PMS1: variants seen among roughly 807,000 people sequenced by gnomAD.
PMS1 encodes the protein PMS1 homolog 1, mismatch repair system component, also known as PMS1 protein homolog 1.
Under a neutral mutation model 93.1 loss-of-function variants are expected in PMS1, and 79 were observed. That is an observed-to-expected ratio of 0.85 (90% CI 0.71 to 1.02). PMS1 has a LOEUF of 1.02. PMS1 is among the 50% of genes least tolerant of loss of function. The pLI, the probability that PMS1 is intolerant of heterozygous loss-of-function variation, is 0.00. For synonymous variants in PMS1, 335 were observed against 363.4 expected (o/e 0.92, Z 0.89); for missense variants, 1,064 against 1,085.3 (o/e 0.98, Z 0.28).
intron 5 of PMS1, among the ~76,000 whole-genome samples, chr2:189,840,239 A>G (rs2053711107): frequency 1.3e-5 from 2 of 152,150 alleles, no homozygotes; most frequent in South Asian, 4.1e-4. Flanking sequence ...GCATGGTCAG[A>G]TGTTATTTCT....
chr2:189,864,378 C>T (rs1037168232), intron 10 of PMS1, 150 bp downstream of exon 10: 3 of 680,704 alleles, frequency 4.4e-6, no homozygotes, highest in African/African-American at 3.6e-5. Context: ...GATTTCTAGG[C>T]CGGGCGCAGT....
intron 4 of PMS1, among the ~76,000 whole-genome samples, chr2:189,809,288 A>G (rs1457115078): frequency 1.3e-5 from 2 of 152,158 alleles, no homozygotes; most frequent in African/African-American, 4.8e-5. Flanking sequence ...GTAAAAATAT[A>G]ACAGGGAGCA....
At chr2:189,789,932 C>T (rs1559206964) in intron 1 of PMS1, among the ~76,000 whole-genome samples, 2 of 152,268 alleles carry the variant, frequency 1.3e-5, no homozygotes, top group Middle Eastern at 3.4e-3. Context: ...CCCCTCCCTG[C>T]ATGCTTTACA....
In PMS1 at chr2:189,852,887, A is replaced by G. The variant is rs901139311; in HGVS notation, c.822+110A>G. The G allele has an allele frequency of 5.4e-6, 4 of 742,262 alleles. No homozygotes were observed. In the African/African-American group the frequency reaches 7.1e-5, roughly 13 times the overall value. 46.0% of individuals were successfully genotyped at this position (742,262 alleles called of 1,614,324 possible). ...AATAAAAAAAAAGAAATACAATGTC[A>G]TTTATTAAACATTATGCATGATAGA... is the stretch of plus-strand genomic sequence containing the variant. On this transcript the variant is annotated intron_variant, in intron 7 of 12. Coordinates refer to ENST00000441310, the MANE Select transcript of PMS1 (RefSeq NM_000534.5).
At chr2:189,859,693 C>A (rs938574918) in intron 9 of PMS1, among the ~76,000 whole-genome samples, 1 of 151,918 alleles carries the variant, frequency 6.6e-6, no homozygotes, top group African/African-American at 2.4e-5. Flanking sequence ...TTCTTGAGTT[C>A]TTAGAATCTA....
At chr2:189,805,132 G>A (rs1196646216) in intron 3 of PMS1, among the ~76,000 whole-genome samples, 1 of 151,684 alleles carries the variant, frequency 6.6e-6, no homozygotes, top group East Asian at 1.9e-4. Flanking sequence ...GCCTTAATGA[G>A]TTTAAAGCTC....
chr2:189,802,943 G>C (rs1375063034), intron 3 of PMS1, among the ~76,000 whole-genome samples: 2 of 152,182 alleles, frequency 1.3e-5, no homozygotes, highest in Non-Finnish European at 2.9e-5. Flanking sequence ...CCAGGGCCAA[G>C]ATCTCCCTGT....
In PMS1 at chr2:189,863,888, T is replaced by A. The variant is rs2106509132; in HGVS notation, c.2002T>A (p.Leu668Ile). ...SAWNLAQKHK[L>I]KTSLSNQPKL... ...ATGGAATTTGGCCCAGAAGCACAAG[T>A]TAAAAACCTCATTATCTAATCAACC... Residue 668 changes from leucine (L) to isoleucine (I), a missense_variant, in exon 10 of 13, where the codon TTA (leucine) becomes ATA (isoleucine). By Grantham distance (5) the Leu-to-Ile change is conservative (BLOSUM62 2). Coordinates refer to ENST00000441310, the MANE Select transcript of PMS1 (RefSeq NM_000534.5). 1 of 1,613,922 alleles carries A rather than the reference T, an allele frequency of 6.2e-7. No individual in the cohort carries two copies. The highest frequency in any genetic ancestry group is 8.5e-7 in the Non-Finnish European group (1 of 1,179,954).
intron 5 of PMS1, among the ~76,000 whole-genome samples, chr2:189,819,264 C>T (rs763960828): frequency 6.6e-6 from 1 of 152,096 alleles, no homozygotes; most frequent in Non-Finnish European, 1.5e-5. Flanking sequence ...TATACATACA[C>T]ATTTTCTTTA....
At chr2:189,824,311 A>G (rs2052231776) in intron 5 of PMS1, among the ~76,000 whole-genome samples, 1 of 152,118 alleles carries the variant, frequency 6.6e-6, no homozygotes, top group Non-Finnish European at 1.5e-5. Context: ...GATTTGTCAA[A>G]TTCATAAAAT....
intron 5 of PMS1, among the ~76,000 whole-genome samples, chr2:189,819,504 AGTAAAT>A: frequency 6.6e-6 from 1 of 152,258 alleles, no homozygotes; most frequent in Middle Eastern, 3.4e-3. Context: ...ATCAGCAGTG[AGTAAAT>A]GTTCCCTTTT....
chr2:189,815,318 G>A (rs897483426), intron 4 of PMS1, among the ~76,000 whole-genome samples: 5 of 152,090 alleles, frequency 3.3e-5, no homozygotes, highest in Non-Finnish European at 7.4e-5. Flanking sequence ...CAGTTAACCA[G>A]TGTTACTGAT....
chr2:189,853,958 A>G lies in PMS1; in HGVS notation c.842A>G (p.Asn281Ser). 5.0e-6 allele frequency: 8 copies of G among 1,589,784 alleles called. No individual in the cohort carries two copies. The highest frequency in any genetic ancestry group is 6.9e-6 in the Non-Finnish European group (8 of 1,162,604). The change falls in exon 8 of 13, where the codon AAT becomes AGT. Residue 281 changes from asparagine (N) to serine (S), a missense_variant. Coordinates refer to ENST00000441310, the MANE Select transcript of PMS1 (RefSeq NM_000534.5). ...DILKLIRHHYNLKCLKESTRL... is the reference protein window; with the variant it reads ...DILKLIRHHYSLKCLKESTRL... The stretch of plus-strand genomic sequence containing the variant: ...TTCTAGTTAATCCGACATCATTACA[A>G]TCTGAAATGCCTAAAGGAATCTACT...
At chr2:189,787,754 C>T (rs1347411821) in intron 1 of PMS1, among the ~76,000 whole-genome samples, 2 of 152,152 alleles carry the variant, frequency 1.3e-5, no homozygotes, top group East Asian at 3.8e-4. Context: ...CTCTTACTAA[C>T]AGCTATATGA....
intron 1 of PMS1, among the ~76,000 whole-genome samples, chr2:189,789,023 G>T (rs3762543): frequency 0.08 from 12,179 of 152,126 alleles, 606 homozygotes; most frequent in East Asian, 0.13. Flanking sequence ...AAGCCTCCCA[G>T]CTGTTGAGAA....
intron 2 of PMS1, among the ~76,000 whole-genome samples, chr2:189,792,630 T>A (rs2048967104): frequency 6.7e-6 from 1 of 148,666 alleles, no homozygotes; most frequent in Non-Finnish European, 1.5e-5. Context: ...GGACCTAACT[T>A]TTTCTTATCT....
intron 9 of PMS1, chr2:189,855,906 A>G (rs1208355905): frequency 3.0e-6 from 3 of 1,010,462 alleles, no homozygotes; most frequent in South Asian, 2.3e-5. Context: ...TATACCTCCA[A>G]TCATATACAG....
At chr2:189,799,126 C>G (rs2049643190) in intron 3 of PMS1, among the ~76,000 whole-genome samples, 1 of 152,120 alleles carries the variant, frequency 6.6e-6, no homozygotes, top group Non-Finnish European at 1.5e-5. Flanking sequence ...TTTTGAGGCA[C>G]TCAAGTGGCC....
Position 189,852,689 on chromosome 2 carries a change from C to A in PMS1, c.734C>A (p.Ala245Glu). Residue 245 changes from alanine to glutamate, a missense_variant, in exon 7 of 13, where the codon GCA (alanine) becomes GAA (glutamate). Ala to Glu is a moderately radical substitution (Grantham distance 107). Transcript: ENST00000441310. ...YLSGFLPKCD[A>E]DHSFTSLSTP... Reference sequence around the variant, plus strand: ...AGTGGATTTCTTCCAAAGTGTGATGCAGACCACTCTTTCACTAGTCTTTCA... The same window carrying A: ...AGTGGATTTCTTCCAAAGTGTGATGAAGACCACTCTTTCACTAGTCTTTCA... 1 of 1,591,686 alleles carries A rather than the reference C, an allele frequency of 6.3e-7. No homozygotes were observed. Among genetic ancestry groups the A allele is most frequent in the Non-Finnish European group, 8.6e-7 (1 of 1,159,880 alleles).
Sources: gnomAD v4.1 joint callset for allele counts (sites outside exome capture counted in the v4.1 genomes callset) on GRCh38, gnomAD v4.1.1 for gene constraint, MANE v1.5 for transcripts, NCBI Gene and HGNC (gene_info 2026-07-23, HGNC 2026-07-21) for gene names.